Variants in CRELD2 observed in about 807,000 individuals in gnomAD.
CRELD2 encodes protein disulfide isomerase CRELD2.
In CRELD2, 33 loss-of-function variants were observed where a neutral mutation model predicts 48.1. The observed-to-expected ratio is 0.69, with a 90% CI of 0.52 to 0.92. The LOEUF (loss-of-function observed/expected upper bound fraction) is 0.92, where lower values mean the gene tolerates loss of function less well. Among genes scored for constraint, CRELD2 ranks in the 40% least tolerant of loss-of-function variants. The pLI is 0.00. For missense variants in CRELD2, 477 were observed against 482.4 expected (o/e 0.99, Z 0.10); for synonymous variants, 220 against 203.9 (o/e 1.08, Z -0.67).
intron 2 of CRELD2, 90 bp from the exon 3 acceptor site, chr22:49,919,640 G>C: frequency 1.1e-6 from 1 of 951,722 alleles, no homozygotes; most frequent in Non-Finnish European, 1.6e-6. Context: ...TGGCTCCCCG[G>C]CCCCTGCACC....
intron 1 of CRELD2, 51 bp downstream of exon 1, chr22:49,918,949 A>G (rs1187243261): frequency 7.5e-7 from 1 of 1,329,240 alleles, no homozygotes. Context: ...GGTCCCCCTC[A>G]CCCTGCATCC....
chr22:49,920,107 A>T, intron 3 of CRELD2, 49 bp from the exon 4 acceptor site: 1 of 1,284,610 alleles, frequency 7.8e-7, no homozygotes, highest in Non-Finnish European at 1.1e-6. Flanking sequence ...TGTTTGTTTT[A>T]AAGAACCGTG....
chr22:49,923,318 G>A lies in CRELD2; in HGVS notation c.772+1G>A, dbSNP rs757957386. ...GCCAACGGCTCCTACACGTGCGAAGGTGGGCCAGGCGGGCGGGTCTGCACT... is the reference window on the plus strand; with the variant it reads ...GCCAACGGCTCCTACACGTGCGAAGATGGGCCAGGCGGGCGGGTCTGCACT... On this transcript the variant is annotated splice_donor_variant, in intron 7 of 9. Coordinates refer to ENST00000328268, the MANE Select transcript of CRELD2 (RefSeq NM_024324.5). LOFTEE classifies it high-confidence loss of function. 6.4e-7 allele frequency: 1 copy of A among 1,570,224 alleles called. No homozygotes were observed. The highest frequency in any genetic ancestry group is 8.6e-7 in the Non-Finnish European group (1 of 1,158,078).
Position 49,922,648 on chromosome 22 carries a change from C to G in CRELD2, c.629C>G (p.Thr210Ser), listed in dbSNP as rs1344546681. ...TCCTGCAAGACGTGCTCGGGCCTGACCAACAGAGACTGCGGCGAGTGTGAA... is the reference window on the plus strand; with the variant it reads ...TCCTGCAAGACGTGCTCGGGCCTGAGCAACAGAGACTGCGGCGAGTGTGAA... ...DESCKTCSGL[T>S]NRDCGECEVG... Residue 210 changes from threonine to serine, a missense_variant, in exon 6 of 10, where the codon ACC becomes AGC. Thr to Ser is a moderately conservative substitution (Grantham distance 58, BLOSUM62 1). Coordinates refer to ENST00000328268, the MANE Select transcript of CRELD2 (RefSeq NM_024324.5). 1 of 1,570,732 alleles carries G rather than the reference C, an allele frequency of 6.4e-7. No individual in the cohort carries two copies. Among genetic ancestry groups the G allele is most frequent in the Non-Finnish European group, 8.6e-7 (1 of 1,158,716 alleles).
intron 1 of CRELD2, among the ~76,000 whole-genome samples, 153 bp downstream of exon 1, chr22:49,919,051 A>G (rs1485095824): frequency 1.6e-5 from 2 of 125,936 alleles, no homozygotes; most frequent in South Asian, 2.6e-4. Flanking sequence ...CCGTCGATCC[A>G]GAGTCCCTCC....
chr22:49,921,990 TTCTC>T (rs1267456316), intron 5 of CRELD2: 14 of 603,560 alleles, frequency 2.3e-5, no homozygotes, highest in Non-Finnish European at 3.8e-5. Flanking sequence ...CTACTCACCT[TTCTC>T]TCTAGTTCAA....
intron 6 of CRELD2, 126 bp from the exon 7 acceptor site, chr22:49,923,108 G>A: frequency 1.5e-6 from 1 of 688,920 alleles, no homozygotes; most frequent in Non-Finnish European, 2.4e-6. Flanking sequence ...CTCCTCAGGG[G>A]CTGCCCTCCT....
intron 9 of CRELD2, among the ~76,000 whole-genome samples, chr22:49,927,009 T>G (rs1475701767): frequency 6.8e-6 from 1 of 146,784 alleles, no homozygotes; most frequent in African/African-American, 2.5e-5. Flanking sequence ...AGGAACCCCT[T>G]GCCGCTCCCA....
intron 5 of CRELD2, chr22:49,922,325 G>A (rs12160965): frequency 6.4e-6 from 8 of 1,243,924 alleles, no homozygotes; most frequent in Admixed American, 2.0e-5. Context: ...ATTCTTACCC[G>A]CCTTGCTGTC....
intron 4 of CRELD2, 97 bp from the exon 5 acceptor site, chr22:49,921,485 GAAT>G: frequency 8.0e-7 from 1 of 1,250,844 alleles, no homozygotes; most frequent in South Asian, 1.5e-5. Context: ...TACGTCCTCA[GAAT>G]CGTACAGGGT....
intron 1 of CRELD2, 22 bp from the exon 2 acceptor site, chr22:49,919,208 T>A: frequency 6.2e-7 from 1 of 1,612,324 alleles, no homozygotes; most frequent in African/African-American, 1.3e-5. Context: ...TACCAAGCAC[T>A]ATGGGCACTG....
At chr22:49,922,913 G>GGGGC (rs2060715061) in intron 6 of CRELD2, among the ~76,000 whole-genome samples, 1 of 70,540 alleles carries the variant, frequency 1.4e-5, no homozygotes, top group African/African-American at 1.1e-4. Flanking sequence ...GGCGTGAGGT[G>GGGGC]TGGGGGCGTG....
chr22:49,919,636 C>T, intron 2 of CRELD2, 94 bp from the exon 3 acceptor site: 1 of 924,168 alleles, frequency 1.1e-6, no homozygotes. Context: ...GTCCTGGCTC[C>T]CCGGCCCCTG....
At chr22:49,919,975 C>A (rs897367614) in intron 3 of CRELD2, 135 bp downstream of exon 3, 20 of 805,020 alleles carry the variant, frequency 2.5e-5, no homozygotes, top group Non-Finnish European at 3.5e-5. Context: ...CCTGCATTAC[C>A]GTTTTTTATC....
Position 49,918,738 on chromosome 22 carries a change from T to C in CRELD2, c.-32T>C. The C allele has an allele frequency of 3.3e-6, 3 of 905,300 alleles. No individual in the cohort carries two copies. The highest frequency in any genetic ancestry group is 4.4e-6 in the Non-Finnish European group (3 of 682,392). 56.1% of individuals were successfully genotyped at this position (905,300 alleles called of 1,614,324 possible). Reference sequence around the variant, plus strand: ...GCAGCACGGCCGCAGGACCTGGAGCTCCGGCTGCGTCTTCCCGCAGCGCTA... The same window carrying C: ...GCAGCACGGCCGCAGGACCTGGAGCCCCGGCTGCGTCTTCCCGCAGCGCTA... On this transcript the variant is annotated 5_prime_UTR_variant, in exon 1 of 10. Coordinates refer to ENST00000328268, the MANE Select transcript of CRELD2 (RefSeq NM_024324.5).
chr22:49,924,828 C>G (rs954135786), intron 8 of CRELD2: 1 of 176,450 alleles, frequency 5.7e-6, no homozygotes, highest in Non-Finnish European at 1.2e-5. Context: ...TGGATGGAAC[C>G]CGGTGGAGAA....
At chr22:49,923,469 T>C in intron 7 of CRELD2, 152 bp downstream of exon 7, 1 of 722,704 alleles carries the variant, frequency 1.4e-6, no homozygotes. Flanking sequence ...AGGTATTTGC[T>C]GCAGGAAAAT....
At position 49,922,510 on chromosome 22, in the gene CRELD2, G is replaced by T. The variant is rs189692296; in HGVS notation, c.593-102G>T. On this transcript the variant is annotated intron_variant, in intron 5 of 9. Transcript: ENST00000328268. ...TAAATTCATGGGCACTGAAAATCCC[G>T]TGTTGCTTTTCCCTCTTAAATTCCT... 3.7e-4 allele frequency: 548 copies of T among 1,491,660 alleles called. 1 individual carries two copies. The African/African-American group carries it at 6.7e-3, about 18-fold the overall frequency. 92.4% of individuals were successfully genotyped at this position (1,491,660 alleles called of 1,614,324 possible). A position where few individuals can be genotyped will look rare whatever the true frequency, so the allele number is the denominator to read the frequency against.
At chr22:49,919,461 A>G in intron 2 of CRELD2, 149 bp downstream of exon 2, 1 of 739,644 alleles carries the variant, frequency 1.4e-6, no homozygotes, top group South Asian at 1.7e-5. Flanking sequence ...CTTCTCCCTG[A>G]GGACTAATGG....
Sources: gnomAD v4.1 joint callset for allele counts (sites outside exome capture counted in the v4.1 genomes callset) on GRCh38, gnomAD v4.1.1 for gene constraint, MANE v1.5 for transcripts, NCBI Gene and HGNC (gene_info 2026-07-23, HGNC 2026-07-21) for gene names.